Variants in VAT1L observed in about 807,000 individuals in gnomAD.
VAT1L encodes putative NADPH-dependent quinone oxidoreductase VAT1L.
Under a neutral mutation model 44.1 loss-of-function variants are expected in VAT1L, and 34 were observed. That is an observed-to-expected ratio of 0.77 (90% CI 0.59 to 1.03). VAT1L has a LOEUF of 1.03. Ranked by LOEUF, VAT1L falls within the 50% of genes least tolerant of loss-of-function variation. The pLI is 0.00. For missense variants in VAT1L, 615 were observed against 538.8 expected (o/e 1.14, Z -1.40); for synonymous variants, 253 against 202.2 (o/e 1.25, Z -2.13).
At chr16:77,830,368 A>G (rs12598105) in intron 3 of VAT1L, among the ~76,000 whole-genome samples, 16,494 of 152,130 alleles carry the variant, frequency 0.11, 1,178 homozygotes, top group East Asian at 0.24. Flanking sequence ...AATAAAAGCT[A>G]TAGGAGAATC....
chr16:77,926,599 G>A (rs970992566), intron 7 of VAT1L, among the ~76,000 whole-genome samples: 11 of 152,040 alleles, frequency 7.2e-5, no homozygotes, highest in African/African-American at 2.7e-4. Context: ...AGTAGAAGTA[G>A]GGGTAAGAGC....
chr16:77,859,674 A>C (rs2016896240), intron 3 of VAT1L, among the ~76,000 whole-genome samples: 1 of 152,184 alleles, frequency 6.6e-6, no homozygotes, highest in Non-Finnish European at 1.5e-5. Flanking sequence ...GTGATGATCC[A>C]GACTAAGAAG....
chr16:77,867,028 G>C (rs74027234), intron 4 of VAT1L, among the ~76,000 whole-genome samples: 1 of 152,144 alleles, frequency 6.6e-6, no homozygotes, highest in Non-Finnish European at 1.5e-5. Flanking sequence ...TAATAGCCAC[G>C]CTTTGTTGCT....
chr16:77,858,122 C>G (rs915722419), intron 3 of VAT1L, among the ~76,000 whole-genome samples: 3 of 152,152 alleles, frequency 2.0e-5, no homozygotes, highest in Admixed American at 6.5e-5. Flanking sequence ...TCCCTGCCCC[C>G]ACAGAGCTCA....
intron 6 of VAT1L, among the ~76,000 whole-genome samples, chr16:77,882,883 A>C (rs939995229): frequency 2.0e-5 from 3 of 152,220 alleles, no homozygotes; most frequent in African/African-American, 7.2e-5. Flanking sequence ...CACATGCCTC[A>C]CCACACCATC....
intron 7 of VAT1L, among the ~76,000 whole-genome samples, chr16:77,942,306 C>T (rs1316888443): frequency 6.6e-6 from 1 of 152,124 alleles, no homozygotes; most frequent in Non-Finnish European, 1.5e-5. Flanking sequence ...GTGAACAGCA[C>T]ATGAAAGACC....
intron 3 of VAT1L, among the ~76,000 whole-genome samples, chr16:77,856,055 T>A (rs1020398925): frequency 1.3e-5 from 2 of 152,050 alleles, no homozygotes; most frequent in Non-Finnish European, 2.9e-5. Flanking sequence ...ACTGTAGTGA[T>A]AGAATGAATG....
intron 3 of VAT1L, among the ~76,000 whole-genome samples, chr16:77,855,067 C>T (rs565425856): frequency 3.3e-5 from 5 of 152,222 alleles, no homozygotes; most frequent in South Asian, 2.1e-4. Context: ...AACCGCTGGG[C>T]GTGCTGTTTC....
chr16:77,843,493 A>T (rs992809338), intron 3 of VAT1L, among the ~76,000 whole-genome samples: 1 of 152,236 alleles, frequency 6.6e-6, no homozygotes, highest in Non-Finnish European at 1.5e-5. Flanking sequence ...TCCTACAGAA[A>T]GTTCTAAACA....
rs117451443 is a variant in VAT1L at position 77,906,353 on chromosome 16, T to C, written c.1077+21551T>C. On this transcript the variant is annotated intron_variant, in intron 7 of 8. Coordinates refer to ENST00000302536, the MANE Select transcript of VAT1L (RefSeq NM_020927.3). ...ACCAGGCAAAGCTTCAAAGACGATG[T>C]TGTGCTTGACCTGGTTCTCCATCAC... is the stretch of plus-strand genomic sequence containing the variant. 2.9e-4 allele frequency among the ~76,000 whole-genome samples: 44 copies of C among 152,342 alleles called. No homozygotes were observed. The East Asian group carries it at 8.5e-3, about 29-fold the overall frequency.
In VAT1L at chr16:77,825,462, G is replaced by A. The variant is rs201909513; in HGVS notation, c.579+1G>A. 1.5e-4 allele frequency: 243 copies of A among 1,575,362 alleles called. 1 individual carries two copies. Among genetic ancestry groups the A allele is most frequent in the Middle Eastern group, 2.0e-4 (1 of 5,066 alleles). On this transcript the variant is annotated splice_donor_variant, in intron 3 of 8. Coordinates refer to ENST00000302536, the MANE Select transcript of VAT1L (RefSeq NM_020927.3). LOFTEE classifies it high-confidence loss of function. ...CGTGCACTCAGCTGGTGGGGGCGTG[G>A]TAAGTCAGCTGTTTGTAACTTCTCT... is the stretch of plus-strand genomic sequence containing the variant.
At chr16:77,838,930 T>TGGGGGTAA (rs2016671053) in intron 3 of VAT1L, among the ~76,000 whole-genome samples, 1 of 151,834 alleles carries the variant, frequency 6.6e-6, no homozygotes, top group Admixed American at 6.6e-5. Flanking sequence ...GTACAAGCCC[T>TGGGGGTAA]GGGGGTAACT....
intron 7 of VAT1L, among the ~76,000 whole-genome samples, chr16:77,912,653 G>A (rs150727229): frequency 3.9e-5 from 6 of 152,252 alleles, no homozygotes; most frequent in African/African-American, 1.4e-4. Flanking sequence ...AGGCAAACAT[G>A]TTGCTATTTC....
intron 3 of VAT1L, among the ~76,000 whole-genome samples, chr16:77,846,768 G>A (rs1483133103): frequency 1.3e-5 from 2 of 152,130 alleles, no homozygotes; most frequent in African/African-American, 4.8e-5. Context: ...AAAATGGGGT[G>A]TTAAATAATT....
At chr16:77,960,939 A>C (rs749244609) in intron 7 of VAT1L, among the ~76,000 whole-genome samples, 1 of 152,134 alleles carries the variant, frequency 6.6e-6, no homozygotes, top group South Asian at 2.1e-4. Context: ...ACACCAGCCA[A>C]CTTCATTGAG....
intron 3 of VAT1L, among the ~76,000 whole-genome samples, chr16:77,858,502 A>G (rs1349963612): frequency 6.6e-6 from 1 of 152,222 alleles, no homozygotes; most frequent in Non-Finnish European, 1.5e-5. Flanking sequence ...TGTTCTAGGC[A>G]CTTTGATGCA....
At chr16:77,889,173 G>A (rs1274224512) in intron 7 of VAT1L, among the ~76,000 whole-genome samples, 1 of 152,092 alleles carries the variant, frequency 6.6e-6, no homozygotes, top group African/African-American at 2.4e-5. Flanking sequence ...CTTCATCTAT[G>A]GAATATAAAG....
At chr16:77,853,529 C>T (rs1029834289) in intron 3 of VAT1L, among the ~76,000 whole-genome samples, 1 of 152,114 alleles carries the variant, frequency 6.6e-6, no homozygotes, top group African/African-American at 2.4e-5. Context: ...GGCCTTTCTC[C>T]TCTAAATCAC....
At chr16:77,972,740 C>T (rs956521115) in intron 8 of VAT1L, among the ~76,000 whole-genome samples, 1 of 151,744 alleles carries the variant, frequency 6.6e-6, no homozygotes, top group Non-Finnish European at 1.5e-5. Context: ...GTGATTGCGT[C>T]ATTGCACTCC....
Sources: gnomAD v4.1 joint callset for allele counts (sites outside exome capture counted in the v4.1 genomes callset) on GRCh38, gnomAD v4.1.1 for gene constraint, MANE v1.5 for transcripts, NCBI Gene and HGNC (gene_info 2026-07-23, HGNC 2026-07-21) for gene names.